GLI3: variants seen among roughly 807,000 people sequenced by gnomAD.
GLI3 encodes the protein transcription activator GLI3.
A neutral mutation model predicts 100.8 loss-of-function variants in GLI3; 20 were observed. The ratio of observed to expected loss-of-function variants is 0.20; its 90% CI spans 0.14 to 0.29. The LOEUF (loss-of-function observed/expected upper bound fraction) is 0.29, where lower values mean the gene tolerates loss of function less well. Ranked by LOEUF, GLI3 falls within the 10% of genes least tolerant of loss-of-function variation. The pLI, the probability that GLI3 is intolerant of heterozygous loss-of-function variation, is 1.00. For missense variants in GLI3, 2,040 were observed against 2,128.5 expected (o/e 0.96, Z 0.82); for synonymous variants, 938 against 860.5 (o/e 1.09, Z -1.58).
chr7:42,236,088 C>T (rs561353531), intron 1 of GLI3, among the ~76,000 whole-genome samples: 1 of 152,154 alleles, frequency 6.6e-6, no homozygotes, highest in East Asian at 1.9e-4. Context: ...GACAGGAGCA[C>T]AAAGTTCAGG....
At chr7:42,201,310 A>G (rs1404224197) in intron 2 of GLI3, among the ~76,000 whole-genome samples, 1 of 152,148 alleles carries the variant, frequency 6.6e-6, no homozygotes, top group Non-Finnish European at 1.5e-5. Flanking sequence ...AGAAATAGAA[A>G]CCTTGGGTAA....
intron 3 of GLI3, among the ~76,000 whole-genome samples, chr7:42,082,263 T>A (rs1461105999): frequency 6.6e-6 from 1 of 152,034 alleles, no homozygotes; most frequent in Non-Finnish European, 1.5e-5. Context: ...ATGGAGCTTC[T>A]CCAGTCATCA....
At chr7:41,979,481 A>C (rs1346679729) in intron 10 of GLI3, among the ~76,000 whole-genome samples, 1 of 152,248 alleles carries the variant, frequency 6.6e-6, no homozygotes, top group African/African-American at 2.4e-5. Flanking sequence ...AGTTTTTAAC[A>C]TAAAGATGAA....
intron 3 of GLI3, among the ~76,000 whole-genome samples, chr7:42,136,007 A>G (rs2128779980): frequency 6.6e-6 from 1 of 152,158 alleles, no homozygotes; most frequent in South Asian, 2.1e-4. Context: ...CCTGTGTAGA[A>G]CCACATATAG....
At position 42,040,252 on chromosome 7, in the gene GLI3, C is replaced by CA. The variant is rs200073401; in HGVS notation, c.827-14dup. On this transcript the variant is annotated splice_polypyrimidine_tract_variant and intron_variant, in intron 6 of 14. Transcript: ENST00000395925. Reference sequence around the variant, plus strand: ...GAGAATCTGGTGCCTGTTATATAAACAAAAAAGAACCTAATTACCTGCAGT... The same window carrying CA: ...GAGAATCTGGTGCCTGTTATATAAACAAAAAAAGAACCTAATTACCTGCAGT... 6.3e-4 allele frequency: 1,012 copies of CA among 1,597,664 alleles called. 8 individuals carry two copies. The East Asian group carries it at 0.021, about 34-fold the overall frequency.
chr7:42,041,521 C>T (rs1304729939), intron 6 of GLI3, among the ~76,000 whole-genome samples: 1 of 152,100 alleles, frequency 6.6e-6, no homozygotes, highest in Non-Finnish European at 1.5e-5. Flanking sequence ...GCAAACAAAA[C>T]ATGATTAGTT....
At chr7:42,126,705 C>A (rs1786141441) in intron 3 of GLI3, among the ~76,000 whole-genome samples, 1 of 152,212 alleles carries the variant, frequency 6.6e-6, no homozygotes, top group Non-Finnish European at 1.5e-5. Flanking sequence ...TATCTTATAT[C>A]ATGGTCTTGT....
At chr7:42,180,218 C>T (rs534650191) in intron 2 of GLI3, among the ~76,000 whole-genome samples, 1 of 152,224 alleles carries the variant, frequency 6.6e-6, no homozygotes, top group African/African-American at 2.4e-5. Flanking sequence ...AGGGGGAAGA[C>T]CCCTGTCATC....
At chr7:42,099,538 T>C (rs944117075) in intron 3 of GLI3, among the ~76,000 whole-genome samples, 3 of 152,186 alleles carry the variant, frequency 2.0e-5, no homozygotes, top group African/African-American at 4.8e-5. Flanking sequence ...TTTAGAGATA[T>C]GTTAGTTTAG....
intron 3 of GLI3, among the ~76,000 whole-genome samples, chr7:42,133,243 C>A (rs574418309): frequency 8.5e-5 from 13 of 152,270 alleles, no homozygotes; most frequent in African/African-American, 2.6e-4. Flanking sequence ...TGGCTCTTGG[C>A]AAAACTAGGT....
chr7:42,044,249 C>G (rs1477751737), intron 6 of GLI3, among the ~76,000 whole-genome samples: 2 of 152,176 alleles, frequency 1.3e-5, no homozygotes, highest in African/African-American at 2.4e-5. Flanking sequence ...CTAGGAAAAA[C>G]AAACAAAACG....
At chr7:42,256,106 T>C (rs1226909987) in intron 1 of GLI3, among the ~76,000 whole-genome samples, 1 of 152,196 alleles carries the variant, frequency 6.6e-6, no homozygotes, top group African/African-American at 2.4e-5. Context: ...TCATATCTTC[T>C]TAGTGAAATT....
intron 2 of GLI3, among the ~76,000 whole-genome samples, chr7:42,166,118 A>G (rs182624798): frequency 5.9e-5 from 9 of 152,330 alleles, no homozygotes; most frequent in African/African-American, 2.2e-4. Context: ...GGCTCTGAGC[A>G]TGAAGAACCA....
At chr7:42,056,121 G>T (rs942985748) in intron 4 of GLI3, among the ~76,000 whole-genome samples, 1 of 152,196 alleles carries the variant, frequency 6.6e-6, no homozygotes, top group Non-Finnish European at 1.5e-5. Context: ...ACGTGGAACT[G>T]TAAGTCCATT....
At chr7:42,113,424 A>G in intron 3 of GLI3, 2 of 723,364 alleles carry the variant, frequency 2.8e-6, no homozygotes, top group Admixed American at 3.5e-5. Context: ...TGAAGGATGA[A>G]CCACAGAGAA....
intron 3 of GLI3, chr7:42,145,563 T>C (rs1786682357): frequency 2.5e-6 from 1 of 397,680 alleles, no homozygotes; most frequent in Admixed American, 4.4e-5. Flanking sequence ...ATTCTTAATC[T>C]GTGTTATAGA....
chr7:42,113,347 G>A (rs773893909), intron 3 of GLI3: 46 of 648,998 alleles, frequency 7.1e-5, no homozygotes, highest in Middle Eastern at 2.8e-4. Flanking sequence ...CCTACGTCCC[G>A]TCGCTGTTGT....
At chr7:42,189,993 C>CAT (rs1188971368) in intron 2 of GLI3, among the ~76,000 whole-genome samples, 9 of 118,364 alleles carry the variant, frequency 7.6e-5, no homozygotes, top group Non-Finnish European at 1.7e-4. Context: ...CACACACACA[C>CAT]ACACACACAC....
intron 2 of GLI3, chr7:42,152,013 C>G (rs986761534): frequency 6.6e-6 from 1 of 152,158 alleles, no homozygotes; most frequent in African/African-American, 2.4e-5. Context: ...CACTTGTGGG[C>G]GCTTGCAGAC....
Sources: gnomAD v4.1 joint callset for allele counts (sites outside exome capture counted in the v4.1 genomes callset) on GRCh38, gnomAD v4.1.1 for gene constraint, MANE v1.5 for transcripts, NCBI Gene and HGNC (gene_info 2026-07-23, HGNC 2026-07-21) for gene names.